TSG101: variants seen among roughly 807,000 people sequenced by gnomAD.
TSG101 encodes tumor susceptibility 101, also known as tumor susceptibility gene 101 protein.
In TSG101, 19 loss-of-function variants were observed where a neutral mutation model predicts 48.5. That is an observed-to-expected ratio of 0.39 (90% CI 0.27 to 0.58). The LOEUF (loss-of-function observed/expected upper bound fraction) is 0.58. Ranked by LOEUF, TSG101 falls within the 20% of genes least tolerant of loss-of-function variation. The pLI is 0.55. For synonymous variants in TSG101, 174 were observed against 169.4 expected, an observed-to-expected ratio of 1.03 and a Z score of -0.21; for missense variants, 365 against 484.4, an observed-to-expected ratio of 0.75 and a Z score of 2.31.
intron 2 of TSG101, among the ~76,000 whole-genome samples, chr11:18,518,715 C>A (rs1019023635): frequency 2.6e-5 from 4 of 151,438 alleles, no homozygotes; most frequent in African/African-American, 9.7e-5. Context: ...ACTATGGGGG[C>A]AGGGAGGTTC....
chr11:18,513,968 A>T (rs928185729), intron 4 of TSG101, among the ~76,000 whole-genome samples: 5 of 152,036 alleles, frequency 3.3e-5, no homozygotes, highest in South Asian at 4.2e-4. Context: ...AATCCCATCT[A>T]CTCAGTAGGT....
chr11:18,526,730 G>A, intron 1 of TSG101, 45 bp downstream of exon 1: 2 of 1,589,918 alleles, frequency 1.3e-6, no homozygotes, highest in Non-Finnish European at 1.7e-6. Context: ...GGCGCGGAAG[G>A]GAGCGGTGGG....
chr11:18,482,829 T>C (rs1350024552), intron 8 of TSG101, among the ~76,000 whole-genome samples: 2 of 152,234 alleles, frequency 1.3e-5, no homozygotes, highest in African/African-American at 2.4e-5. Context: ...TCCTAAGATG[T>C]GCAGATCTTT....
chr11:18,491,051 G>A (rs533250129), intron 7 of TSG101: 8 of 176,788 alleles, frequency 4.5e-5, no homozygotes, highest in South Asian at 1.7e-4. Flanking sequence ...CTCTGGCAGC[G>A]GTGGCGGTGC....
intron 4 of TSG101, 117 bp from the exon 5 acceptor site, chr11:18,509,782 C>A: frequency 9.1e-7 from 1 of 1,100,998 alleles, no homozygotes; most frequent in Non-Finnish European, 1.2e-6. Context: ...TGTAGGACCC[C>A]AATCATGAAA....
chr11:18,515,030 G>A (rs1464733912), intron 3 of TSG101, among the ~76,000 whole-genome samples, 189 bp from the exon 4 acceptor site: 3 of 151,900 alleles, frequency 2.0e-5, no homozygotes, highest in Non-Finnish European at 2.9e-5. Context: ...ATTTTACTCA[G>A]TCTTCCCTAA....
intron 7 of TSG101, among the ~76,000 whole-genome samples, chr11:18,498,392 C>A (rs1319795410): frequency 6.6e-6 from 1 of 152,112 alleles, no homozygotes; most frequent in African/African-American, 2.4e-5. Flanking sequence ...AGGAAAGAAG[C>A]AGAGAAATCT....
chr11:18,500,196 A>C (rs1437821596), intron 7 of TSG101, among the ~76,000 whole-genome samples: 1 of 152,196 alleles, frequency 6.6e-6, no homozygotes, highest in Non-Finnish European at 1.5e-5. Flanking sequence ...CACTGTGTAC[A>C]CATACCTCAT....
intron 4 of TSG101, among the ~76,000 whole-genome samples, chr11:18,512,945 C>A (rs1850113293): frequency 6.6e-6 from 1 of 151,742 alleles, no homozygotes; most frequent in South Asian, 2.1e-4. Context: ...CCAGGCTCGT[C>A]TCAAACTTCT....
At chr11:18,502,675 G>T in intron 6 of TSG101, 98 bp from the exon 7 acceptor site, 1 of 831,100 alleles carries the variant, frequency 1.2e-6, no homozygotes, top group Non-Finnish European at 1.9e-6. Context: ...ACATATGGTT[G>T]TTTTACCAGT....
At chr11:18,488,962 A>T (rs1849660816) in intron 7 of TSG101, among the ~76,000 whole-genome samples, 1 of 152,026 alleles carries the variant, frequency 6.6e-6, no homozygotes, top group South Asian at 2.1e-4. Context: ...TAAAAATACA[A>T]AAATTAGCTG....
At position 18,519,676 on chromosome 11, in the gene TSG101, A is replaced by C. The variant is rs1850237035; in HGVS notation, c.43-73T>G. On this transcript the variant is annotated intron_variant, in intron 1 of 9. Coordinates refer to ENST00000251968, the MANE Select transcript of TSG101 (RefSeq NM_006292.4). ...ATTTTACAGCTGGATGAATTTTCTT[A>C]AAATCTCTTCCACTAATTGTTAACA... 4 of 1,139,236 alleles carry C rather than the reference A, an allele frequency of 3.5e-6. No individual in the cohort carries two copies. The South Asian group carries it at 5.5e-5, about 16-fold the overall frequency. The allele number at this position is 1,139,236 out of a possible 1,614,324, so 70.6% of individuals were successfully genotyped here.
chr11:18,526,692 C>T, intron 1 of TSG101, 83 bp downstream of exon 1: 1 of 1,523,544 alleles, frequency 6.6e-7, no homozygotes, highest in Non-Finnish European at 8.8e-7. Context: ...GGGAAGCTTG[C>T]TTGGCTGGGC....
At chr11:18,507,613 G>T in intron 5 of TSG101, 1 of 151,684 alleles carries the variant, frequency 6.6e-6, no homozygotes, top group African/African-American at 2.4e-5. Context: ...TCAACATAGA[G>T]GAAGAAAAAG....
intron 1 of TSG101, among the ~76,000 whole-genome samples, chr11:18,525,370 T>C (rs1478184607): frequency 6.6e-6 from 1 of 151,542 alleles, no homozygotes; most frequent in African/African-American, 2.4e-5. Context: ...CATGGTGAAA[T>C]CCCGTCTCTA....
intron 7 of TSG101, chr11:18,490,956 C>G (rs746661550): frequency 3.3e-6 from 1 of 300,982 alleles, no homozygotes; most frequent in Middle Eastern, 6.7e-4. Flanking sequence ...TTTATCCAGT[C>G]GTTCCCGTGG....
chr11:18,516,153 C>T lies in TSG101; in HGVS notation c.139G>A (p.Gly47Ser), dbSNP rs760521615. Residue 47 changes from glycine to serine, a missense_variant, in exon 3 of 10, where the codon GGC (glycine) becomes AGC (serine). Gly to Ser is a moderately conservative substitution (Grantham distance 56). Coordinates refer to ENST00000251968, the MANE Select transcript of TSG101 (RefSeq NM_006292.4). ...AGGTTCATTAGTTCCCTGGAACTGC[C>T]ATCGTTAAAAACTGAAAGGAAAGAA... ...PVLDSYVFNDGSSRELMNLTG... is the reference protein window; with the variant it reads ...PVLDSYVFNDSSSRELMNLTG... The T allele has an allele frequency of 1.2e-6, 2 of 1,613,500 alleles. No individual in the cohort carries two copies. The highest frequency in any genetic ancestry group is 1.7e-6 in the Non-Finnish European group (2 of 1,179,760).
At chr11:18,491,295 T>TGG (rs138320197) in intron 7 of TSG101, among the ~76,000 whole-genome samples, 8 of 152,034 alleles carry the variant, frequency 5.3e-5, no homozygotes, top group African/African-American at 1.9e-4. Context: ...GTGTGATTTA[T>TGG]GGGGGGGTCT....
rs940293080 is a variant in TSG101 at position 18,502,232 on chromosome 11, CAT to C, written c.640+252_640+253del. 5.3e-5 allele frequency among the ~76,000 whole-genome samples: 8 copies of C among 152,166 alleles called. No individual in the cohort carries two copies. The South Asian group carries it at 6.2e-4, about 12-fold the overall frequency. On this transcript the variant is annotated intron_variant, in intron 7 of 9. Transcript: ENST00000251968. ...CTATGTATCTGCTAATAGTTCAACACATGTTTGGCTCACAAATAAAACTATGT... is the reference window on the plus strand; with the variant it reads ...CTATGTATCTGCTAATAGTTCAACACGTTTGGCTCACAAATAAAACTATGT...
Sources: allele counts gnomAD v4.1 joint callset (sites outside exome capture counted in the v4.1 genomes callset), GRCh38; gene constraint gnomAD v4.1.1; transcripts MANE v1.5; gene names NCBI Gene and HGNC (gene_info 2026-07-23, HGNC 2026-07-21).